Variants in PXDN observed in about 807,000 individuals in gnomAD.
PXDN encodes peroxidasin homolog.
Under a neutral mutation model 140.3 loss-of-function variants are expected in PXDN, and 77 were observed. The ratio of observed to expected loss-of-function variants is 0.55; its 90% CI spans 0.46 to 0.66. The LOEUF is 0.66. Among genes scored for constraint, PXDN ranks in the 30% least tolerant of loss-of-function variants. The pLI is 0.00. For missense variants in PXDN, 1,838 were observed against 2,039.5 expected (o/e 0.90, Z 1.90); for synonymous variants, 911 against 857.4 (o/e 1.06, Z -1.09).
At chr2:1,702,569 G>A (rs1684460328) in intron 1 of PXDN, among the ~76,000 whole-genome samples, 1 of 152,224 alleles carries the variant, frequency 6.6e-6, no homozygotes, top group East Asian at 1.9e-4. Context: ...ACAGCCTCAG[G>A]AGGTCCCGAC....
At chr2:1,692,151 C>A (rs1336871035) in intron 2 of PXDN, among the ~76,000 whole-genome samples, 152 bp from the exon 3 acceptor site, 1 of 152,234 alleles carries the variant, frequency 6.6e-6, no homozygotes, top group Admixed American at 6.5e-5. Context: ...ACCCGCAGGA[C>A]AAAACACAGC....
intron 16 of PXDN, among the ~76,000 whole-genome samples, chr2:1,650,051 C>T (rs574019710): frequency 5.4e-4 from 82 of 152,216 alleles, no homozygotes; most frequent in African/African-American, 1.9e-3. Flanking sequence ...TTAAACGCCC[C>T]GTGTAAGAGA....
chr2:1,637,271 G>T, intron 21 of PXDN, among the ~76,000 whole-genome samples: 1 of 152,148 alleles, frequency 6.6e-6, no homozygotes, highest in East Asian at 1.9e-4. Context: ...GGTCAGCCTG[G>T]GTTTGTCTCT....
rs1682677600 is a variant in PXDN at position 1,639,996 on chromosome 2, CCCCGGG to C, written c.3953-580_3953-575del. ...CCCTCAGTGCTATGCCTCACCTGAG[CCCCGGG>C]TGAGTGAGGGGCCCTCAGTGCCGTG... On this transcript the variant is annotated intron_variant, in intron 19 of 22. Coordinates refer to ENST00000252804, the MANE Select transcript of PXDN (RefSeq NM_012293.3). This position sits in a 1 kb window ranked among gnomAD's most constrained non-coding sequence, Gnocchi z 5.0. 6.6e-6 allele frequency among the ~76,000 whole-genome samples: 1 copy of C among 152,196 alleles called. No individual in the cohort carries two copies. The highest frequency in any genetic ancestry group is 1.5e-5 in the Non-Finnish European group (1 of 68,038).
chr2:1,637,536 C>T (rs1460036126), intron 21 of PXDN, among the ~76,000 whole-genome samples: 2 of 150,110 alleles, frequency 1.3e-5, no homozygotes, highest in African/African-American at 5.0e-5. Context: ...GGGAGGAAGA[C>T]CTGCTGCACG....
At chr2:1,679,876 ATGTG>A (rs146535693) in intron 7 of PXDN, among the ~76,000 whole-genome samples, 1,805 of 82,062 alleles carry the variant, frequency 0.022, 71 homozygotes, top group African/African-American at 0.089. Flanking sequence ...TTGTGTCTGC[ATGTG>A]TGTGTCTATA....
At chr2:1,741,686 G>A (rs1024795898) in intron 1 of PXDN, among the ~76,000 whole-genome samples, 4 of 152,068 alleles carry the variant, frequency 2.6e-5, no homozygotes, top group Non-Finnish European at 5.9e-5. Context: ...AAAAGCAAAG[G>A]GACGGTGTGA....
chr2:1,693,799 C>G (rs1440109540), intron 1 of PXDN, among the ~76,000 whole-genome samples: 1 of 152,164 alleles, frequency 6.6e-6, no homozygotes, highest in African/African-American at 2.4e-5. Flanking sequence ...AGAGAGTACG[C>G]CAGAATCGAC....
At chr2:1,672,104 G>A (rs1002182163) in intron 9 of PXDN, 3 of 152,236 alleles carry the variant, frequency 2.0e-5, no homozygotes, top group African/African-American at 7.2e-5. Context: ...TAGGCTTCTG[G>A]GCTTCTCAGG....
intron 1 of PXDN, among the ~76,000 whole-genome samples, chr2:1,711,642 C>T (rs1283589548): frequency 1.5e-5 from 2 of 133,094 alleles, no homozygotes; most frequent in Non-Finnish European, 3.2e-5. Flanking sequence ...GCTCCACCAG[C>T]ACCCACTCCA....
At position 1,635,060 on chromosome 2, in the gene PXDN, G is replaced by C. The variant is rs183533900; in HGVS notation, c.4320+348C>G. ...CCCACCAGCTCTGCAGGGAGGAGCTGATCTACCCCATTCATGGGTTTCCAT... is the reference window on the plus strand; with the variant it reads ...CCCACCAGCTCTGCAGGGAGGAGCTCATCTACCCCATTCATGGGTTTCCAT... On this transcript the variant is annotated intron_variant, in intron 22 of 22. Coordinates refer to ENST00000252804, the MANE Select transcript of PXDN (RefSeq NM_012293.3). Among the ~76,000 whole-genome samples, 219 of 150,490 alleles carry C rather than the reference G, an allele frequency of 1.5e-3. No individual in the cohort carries two copies. The Middle Eastern group carries it at 0.034, about 24-fold the overall frequency.
upstream of PXDN, chr2:1,744,646 A>G (rs1044337740): frequency 1.5e-5 from 7 of 461,974 alleles, no homozygotes; most frequent in African/African-American, 6.2e-5. Flanking sequence ...CCGGGGCCCC[A>G]GCGTCCGGCC....
intron 19 of PXDN, among the ~76,000 whole-genome samples, 176 bp downstream of exon 19, chr2:1,643,192 A>C (rs1572117374): frequency 6.6e-6 from 1 of 152,108 alleles, no homozygotes; most frequent in Non-Finnish European, 1.5e-5. Context: ...CTTTGTTCAT[A>C]TTTTTGGCTC....
At chr2:1,730,347 C>T (rs1034448422) in intron 1 of PXDN, among the ~76,000 whole-genome samples, 1 of 152,220 alleles carries the variant, frequency 6.6e-6, no homozygotes, top group African/African-American at 2.4e-5. Context: ...TTGTGGCAAA[C>T]AGGCCTGGCA....
At chr2:1,709,203 G>GTCA (rs1219034703) in intron 1 of PXDN, among the ~76,000 whole-genome samples, 2 of 152,202 alleles carry the variant, frequency 1.3e-5, no homozygotes, top group East Asian at 3.9e-4. Flanking sequence ...CTGACCACAG[G>GTCA]TGCGGGGACC....
rs1682971393 is a variant in PXDN at position 1,649,753 on chromosome 2, G to A, written c.2105-78C>T. 1 of 1,498,482 alleles carries A rather than the reference G, an allele frequency of 6.7e-7. No individual in the cohort carries two copies. Among genetic ancestry groups the A allele is most frequent in the East Asian group, 2.3e-5 (1 of 43,942 alleles). The allele number at this position is 1,498,482 out of a possible 1,614,324, so 92.8% of individuals were successfully genotyped here. On this transcript the variant is annotated intron_variant, in intron 16 of 22. Coordinates refer to ENST00000252804, the MANE Select transcript of PXDN (RefSeq NM_012293.3). This position sits in a 1 kb window ranked among gnomAD's most constrained non-coding sequence, Gnocchi z 7.1. ...GGGCCCGGTACCCCTTGGCACCTCT[G>A]CCGCTGACATGGGGCTATCTACCCC...
At position 1,639,524 on chromosome 2, in the gene PXDN, G is replaced by T; in HGVS notation, c.3953-102C>A. The T allele has an allele frequency of 1.3e-6, 2 of 1,551,362 alleles. No homozygotes were observed. Among genetic ancestry groups the T allele is most frequent in the Non-Finnish European group, 8.8e-7 (1 of 1,138,740 alleles). On this transcript the variant is annotated intron_variant, in intron 19 of 22. Coordinates refer to ENST00000252804, the MANE Select transcript of PXDN (RefSeq NM_012293.3). This position sits in a 1 kb window ranked among gnomAD's most constrained non-coding sequence, Gnocchi z 5.0. ...ATGAAGTCTTCACTGGCTGCCCGTG[G>T]AACAAACTGTGGCACATTTCAGTGA...
chr2:1,725,575 A>G (rs1685159461), intron 1 of PXDN, among the ~76,000 whole-genome samples: 1 of 152,178 alleles, frequency 6.6e-6, no homozygotes, highest in Admixed American at 6.5e-5. Context: ...AAATTGACAA[A>G]TGGGATCTAA....
chr2:1,658,382 G>C (rs1384608663), intron 14 of PXDN, among the ~76,000 whole-genome samples: 1 of 151,944 alleles, frequency 6.6e-6, no homozygotes, highest in Non-Finnish European at 1.5e-5. Context: ...CTCCCCAGCT[G>C]TCTCTGGGTC....
Sources: gnomAD v4.1 joint callset for allele counts (sites outside exome capture counted in the v4.1 genomes callset) on GRCh38, gnomAD v4.1.1 for gene constraint, Gnocchi (gnomAD v3.1) non-coding constraint, MANE v1.5 for transcripts, NCBI Gene and HGNC (gene_info 2026-07-23, HGNC 2026-07-21) for gene names.